Variants in NR2F1-AS1 observed in about 807,000 individuals in gnomAD.
NR2F1-AS1 encodes the protein NR2F1 regulatory antisense RNA 1.
intron 2 of NR2F1-AS1, among the ~76,000 whole-genome samples, chr5:93,561,768 CA>C (rs551332067): frequency 1.0e-4 from 14 of 140,252 alleles, no homozygotes; most frequent in East Asian, 8.2e-4. Context: ...GACCCTGTCT[CA>C]AAAAAAAAAC....
intron 4 of NR2F1-AS1, among the ~76,000 whole-genome samples, chr5:93,463,838 T>C (rs1750157370): frequency 6.6e-6 from 1 of 152,190 alleles, no homozygotes; most frequent in Non-Finnish European, 1.5e-5. Context: ...GGGTCTATTT[T>C]CCCAATGCTG....
chr5:93,425,387 G>C (rs1440358297), intron 4 of NR2F1-AS1, among the ~76,000 whole-genome samples: 1 of 152,200 alleles, frequency 6.6e-6, no homozygotes, highest in Non-Finnish European at 1.5e-5. Flanking sequence ...AGAAGCCCCA[G>C]TGCATGAGTC....
intron 4 of NR2F1-AS1, among the ~76,000 whole-genome samples, chr5:93,455,213 T>C (rs1749920615): frequency 6.6e-6 from 1 of 152,148 alleles, no homozygotes; most frequent in Non-Finnish European, 1.5e-5. Context: ...GTTAAATATA[T>C]GAGAGGAGGA....
rs552050151 is a variant in NR2F1-AS1, at chr5:93,573,203, A to C, written n.313+7264T>G. Among the ~76,000 whole-genome samples the C allele has an allele frequency of 3.3e-3, 500 of 152,288 alleles. 1 individual carries two copies. The highest frequency in any genetic ancestry group is 6.8e-3 in the Middle Eastern group (2 of 294). On this transcript the variant is annotated intron_variant and non_coding_transcript_variant, in intron 1 of 5. Coordinates refer to ENST00000660523, the Ensembl canonical transcript of NR2F1-AS1. ...GAAAGGGAGTGCGGGGGAGAGGGCA[A>C]ACTAGTGAGTTTGGCTGGCAGTGCT...
chr5:93,440,728 C>G (rs1561437932), intron 4 of NR2F1-AS1, among the ~76,000 whole-genome samples: 1 of 152,238 alleles, frequency 6.6e-6, no homozygotes, highest in African/African-American at 2.4e-5. Flanking sequence ...AATACACACA[C>G]TGACATGCCA....
At chr5:93,413,798 A>G (rs917792552) in intron 4 of NR2F1-AS1, among the ~76,000 whole-genome samples, 2 of 152,246 alleles carry the variant, frequency 1.3e-5, no homozygotes, top group African/African-American at 2.4e-5. Flanking sequence ...AATTCTGAGA[A>G]ATTTTGAAGT....
intron 4 of NR2F1-AS1, among the ~76,000 whole-genome samples, chr5:93,506,221 C>A (rs1196055788): frequency 1.3e-5 from 2 of 152,202 alleles, no homozygotes; most frequent in Admixed American, 1.3e-4. Context: ...ACAAGTACCT[C>A]ATCTCCATCT....
At chr5:93,436,048 C>A (rs1749424965) in intron 4 of NR2F1-AS1, among the ~76,000 whole-genome samples, 1 of 152,176 alleles carries the variant, frequency 6.6e-6, no homozygotes. Context: ...ATGTTTAAAG[C>A]TGTTTGTATC....
At chr5:93,447,756 T>C (rs1282590498) in intron 4 of NR2F1-AS1, among the ~76,000 whole-genome samples, 4 of 152,266 alleles carry the variant, frequency 2.6e-5, no homozygotes, top group South Asian at 2.1e-4. Context: ...CATGCCCACA[T>C]TGCGGCACTA....
At chr5:93,540,336 G>C (rs1751923642) in intron 4 of NR2F1-AS1, among the ~76,000 whole-genome samples, 1 of 152,194 alleles carries the variant, frequency 6.6e-6, no homozygotes, top group South Asian at 2.1e-4. Context: ...AGATCTTTCA[G>C]AGTAGTCCTG....
chr5:93,574,504 C>T (rs558291561), intron 1 of NR2F1-AS1, among the ~76,000 whole-genome samples: 22 of 152,072 alleles, frequency 1.4e-4, no homozygotes, highest in Non-Finnish European at 2.9e-4. Flanking sequence ...AACATAGAGT[C>T]AGACCGCCAA....
chr5:93,488,798 CAT>C (rs1421334862), intron 4 of NR2F1-AS1, among the ~76,000 whole-genome samples: 19 of 152,288 alleles, frequency 1.2e-4, no homozygotes, highest in Admixed American at 1.2e-3. Context: ...CACATGCACA[CAT>C]ATGTTTATTG....
chr5:93,494,977 T>C (rs10075095), intron 4 of NR2F1-AS1, among the ~76,000 whole-genome samples: 5,483 of 152,210 alleles, frequency 0.036, 319 homozygotes, highest in African/African-American at 0.13. Flanking sequence ...TTATATGATA[T>C]ATCCAGAATA....
intron 4 of NR2F1-AS1, among the ~76,000 whole-genome samples, chr5:93,489,430 T>C: frequency 6.6e-6 from 1 of 151,846 alleles, no homozygotes; most frequent in Admixed American, 6.6e-5. Context: ...TATATATATA[T>C]ATTTTTAGGC....
At chr5:93,512,796 G>T (rs1238303225) in intron 4 of NR2F1-AS1, among the ~76,000 whole-genome samples, 3 of 152,182 alleles carry the variant, frequency 2.0e-5, no homozygotes, top group Non-Finnish European at 4.4e-5. Flanking sequence ...TTTGTACACT[G>T]TACAGGTTTG....
intron 4 of NR2F1-AS1, among the ~76,000 whole-genome samples, chr5:93,417,306 A>G (rs755852476): frequency 6.6e-6 from 1 of 152,232 alleles, no homozygotes. Flanking sequence ...TTTATTGTAT[A>G]TGGAAAAGAG....
chr5:93,556,978 A>G (rs1752371350), intron 2 of NR2F1-AS1, among the ~76,000 whole-genome samples: 1 of 152,238 alleles, frequency 6.6e-6, no homozygotes, highest in South Asian at 2.1e-4. Context: ...TACAAATCAA[A>G]AAAATATCTT....
intron 1 of NR2F1-AS1, among the ~76,000 whole-genome samples, chr5:93,564,443 A>G (rs1752571125): frequency 6.6e-6 from 1 of 152,234 alleles, no homozygotes. Flanking sequence ...AGAATGAATT[A>G]AATTCGTTAG....
chr5:93,471,732 A>G (rs1201420052), intron 4 of NR2F1-AS1, among the ~76,000 whole-genome samples: 1 of 151,902 alleles, frequency 6.6e-6, no homozygotes, highest in African/African-American at 2.4e-5. Flanking sequence ...ATGCACAGTA[A>G]AGAAAGAACT....
Sources: allele counts gnomAD v4.1 joint callset (sites outside exome capture counted in the v4.1 genomes callset), GRCh38; gene constraint gnomAD v4.1.1; transcripts MANE v1.5; gene names NCBI Gene and HGNC (gene_info 2026-07-23, HGNC 2026-07-21).